C6: variants seen among roughly 807,000 people sequenced by gnomAD.
C6 encodes the protein complement C6, also known as complement component C6.
C6 carries 101 observed loss-of-function variants against 112.9 expected under a neutral mutation model. That is an observed-to-expected ratio of 0.89 (90% CI 0.76 to 1.06). The LOEUF (loss-of-function observed/expected upper bound fraction) is 1.06. Among genes scored for constraint, C6 ranks in the 50% least tolerant of loss-of-function variants. C6 has a pLI of 0.00. For missense variants in C6, 1,202 were observed against 1,104.6 expected (o/e 1.09, Z -1.25); for synonymous variants, 431 against 384.1 (o/e 1.12, Z -1.43).
Position 41,176,441 on chromosome 5 carries a change from C to T in C6, c.1168+34G>A, listed in dbSNP as rs1263589208. On this transcript the variant is annotated intron_variant, in intron 8 of 17. Coordinates refer to ENST00000337836, the MANE Select transcript of C6 (RefSeq NM_000065.5). Reference sequence around the variant, plus strand: ...GAAAAATGTATTGCATGCTATCATACCAGTTAAAAAGAGTGAGGACTGAAG... The same window carrying T: ...GAAAAATGTATTGCATGCTATCATATCAGTTAAAAAGAGTGAGGACTGAAG... 3.7e-6 allele frequency: 6 copies of T among 1,606,490 alleles called. No individual in the cohort carries two copies. In the East Asian group the frequency reaches 1.1e-4, roughly 30 times the overall value.
chr5:41,173,661 T>C (rs1352040719), intron 8 of C6, among the ~76,000 whole-genome samples: 1 of 152,010 alleles, frequency 6.6e-6, no homozygotes, highest in African/African-American at 2.4e-5. Flanking sequence ...ATAGCAGGGA[T>C]GGGTGTTTTT....
intron 8 of C6, 38 bp downstream of exon 8, chr5:41,176,434 TATC>T: frequency 1.9e-6 from 3 of 1,600,794 alleles, no homozygotes; most frequent in Non-Finnish European, 2.6e-6. Flanking sequence ...TATTGCATGC[TATC>T]ATACCAGTTA....
chr5:41,243,806 G>A (rs1163618603), intron 1 of C6, among the ~76,000 whole-genome samples: 1 of 152,038 alleles, frequency 6.6e-6, no homozygotes, highest in Non-Finnish European at 1.5e-5. Flanking sequence ...ATGATGCTAA[G>A]TAGCACTCAA....
At chr5:41,250,173 G>C (rs988609691) in intron 1 of C6, among the ~76,000 whole-genome samples, 10 of 152,138 alleles carry the variant, frequency 6.6e-5, no homozygotes, top group Admixed American at 5.9e-4. Context: ...TAACAGACTA[G>C]ACTATATATT....
intron 1 of C6, among the ~76,000 whole-genome samples, chr5:41,248,313 A>G (rs1741143844): frequency 6.6e-6 from 1 of 152,232 alleles, no homozygotes; most frequent in Non-Finnish European, 1.5e-5. Flanking sequence ...AGAAACAAAA[A>G]TTGACAAGTG....
At position 41,195,779 on chromosome 5, in the gene C6, A is replaced by G; in HGVS notation, c.587+13T>C. Reference sequence around the variant, plus strand: ...ACCTGTTCTCCCCAAGATGATAAAAAGATGTTACATACCCATTGCCCATCA... The same window carrying G: ...ACCTGTTCTCCCCAAGATGATAAAAGGATGTTACATACCCATTGCCCATCA... On this transcript the variant is annotated intron_variant, in intron 5 of 17. Coordinates refer to ENST00000337836, the MANE Select transcript of C6 (RefSeq NM_000065.5). 6.2e-7 allele frequency: 1 copy of G among 1,612,996 alleles called. No homozygotes were observed. Among genetic ancestry groups the G allele is most frequent in the Non-Finnish European group, 8.5e-7 (1 of 1,179,704 alleles).
At chr5:41,177,065 G>A (rs943658731) in intron 7 of C6, among the ~76,000 whole-genome samples, 4 of 152,186 alleles carry the variant, frequency 2.6e-5, no homozygotes, top group Admixed American at 2.6e-4. Context: ...ATTTGCTAAT[G>A]TGAATAATTG....
At chr5:41,247,701 G>C (rs1397908644) in intron 1 of C6, among the ~76,000 whole-genome samples, 6 of 147,382 alleles carry the variant, frequency 4.1e-5, no homozygotes, top group Admixed American at 4.1e-4. Flanking sequence ...CTGGGTGACA[G>C]AGTGAGACTC....
intron 1 of C6, 51 bp from the exon 2 acceptor site, chr5:41,203,301 C>T (rs1344115801): frequency 2.2e-5 from 35 of 1,561,828 alleles, no homozygotes; most frequent in Non-Finnish European, 3.0e-5. Context: ...TGAGGTAAAC[C>T]TTCACAAGTC....
intron 7 of C6, among the ~76,000 whole-genome samples, chr5:41,178,010 C>G (rs1265468931): frequency 6.6e-6 from 1 of 152,118 alleles, no homozygotes; most frequent in African/African-American, 2.4e-5. Context: ...TTCAATATTT[C>G]CAGGTTTCTT....
At chr5:41,223,260 GA>G (rs1028547372) in intron 1 of C6, among the ~76,000 whole-genome samples, 2 of 151,826 alleles carry the variant, frequency 1.3e-5, no homozygotes, top group African/African-American at 2.4e-5. Context: ...GATAATTAGA[GA>G]AAAAAAACTG....
chr5:41,160,130 C>T lies in C6; in HGVS notation c.1684+12G>A. ...AAACTTATCTACCTCACAATAGATT[C>T]CTGATACTTACTGGATTTATAATCT... is the stretch of plus-strand genomic sequence containing the variant. On this transcript the variant is annotated intron_variant, in intron 11 of 17. Coordinates refer to ENST00000337836, the MANE Select transcript of C6 (RefSeq NM_000065.5). 2 of 1,595,866 alleles carry T rather than the reference C, an allele frequency of 1.3e-6. No homozygotes were observed. The highest frequency in any genetic ancestry group is 2.2e-5 in the South Asian group (2 of 90,736).
intron 1 of C6, among the ~76,000 whole-genome samples, chr5:41,252,321 G>A (rs1741413420): frequency 6.6e-6 from 1 of 152,080 alleles, no homozygotes; most frequent in African/African-American, 2.4e-5. Flanking sequence ...CCCCTCCTTG[G>A]CCAAGAGGAT....
In C6 at chr5:41,153,997, C is replaced by T. The variant is rs1160484842; in HGVS notation, c.2103G>A (p.Arg701=). 6.2e-7 allele frequency: 1 copy of T among 1,613,392 alleles called. No homozygotes were observed. The highest frequency in any genetic ancestry group is 1.7e-5 in the Admixed American group (1 of 59,972). The part of the protein sequence containing the change: ...TWRQGDVECQ[R]TECIKPVVQE... Reference sequence around the variant, plus strand: ...GCACAACTGGCTTGATGCACTCCGTCCCTGCAAGAGAGCAACATTTCATAT... The same window carrying T: ...GCACAACTGGCTTGATGCACTCCGTTCCTGCAAGAGAGCAACATTTCATAT... The change falls in exon 15 of 18, where the codon CGG becomes CGA. Residue 701 remains arginine (R), a splice_region_variant and synonymous_variant. Transcript: ENST00000337836.
rs759464116 is a variant in C6 at position 41,201,576 on chromosome 5, G to T, written c.282C>A (p.Asp94Glu). The T allele has an allele frequency of 9.9e-6, 16 of 1,613,646 alleles. No homozygotes were observed. The highest frequency in any genetic ancestry group is 1.7e-5 in the Admixed American group (1 of 59,928). ...LGDFGPWSDC[D>E]PCIEKQSKVR... ...TGCCTACCTGTTTTTCAATACAAGG[G>T]TCACAGTCTGACCATGGTCCAAAAT... Residue 94 changes from aspartate (D) to glutamate (E), a missense_variant, in exon 3 of 18, where the codon GAC becomes GAA. Coordinates refer to ENST00000337836, the MANE Select transcript of C6 (RefSeq NM_000065.5).
intron 6 of C6, among the ~76,000 whole-genome samples, chr5:41,183,947 A>G (rs1336244296): frequency 4.8e-5 from 7 of 147,266 alleles, no homozygotes; most frequent in Admixed American, 2.0e-4. Context: ...ATGGACATAA[A>G]GATGGCAACA....
chr5:41,167,675 C>A (rs140404117), intron 9 of C6, among the ~76,000 whole-genome samples: 1 of 152,156 alleles, frequency 6.6e-6, no homozygotes, highest in East Asian at 1.9e-4. Context: ...CATAACATAG[C>A]TGAATAGGAT....
intron 8 of C6, 186 bp from the exon 9 acceptor site, chr5:41,172,533 A>T (rs1748515753): frequency 1.5e-6 from 1 of 646,350 alleles, no homozygotes; most frequent in East Asian, 2.8e-5. Context: ...GCATGGGCCC[A>T]GAGATGATCC....
rs901620777 is a variant in C6, at chr5:41,142,704, T to C, written c.*121A>G. The C allele has an allele frequency of 8.7e-6, 7 of 802,184 alleles. No individual in the cohort carries two copies. Among genetic ancestry groups the C allele is most frequent in the Non-Finnish European group, 1.5e-5 (7 of 458,778 alleles). The allele number at this position is 802,184 out of a possible 1,614,324, so 49.7% of individuals were successfully genotyped here. A position where few individuals can be genotyped will look rare whatever the true frequency, so the allele number is the denominator to read the frequency against. On this transcript the variant is annotated 3_prime_UTR_variant, in exon 18 of 18. Coordinates refer to ENST00000337836, the MANE Select transcript of C6 (RefSeq NM_000065.5). ...ATAATGATCTCAAACTAACAGAAAA[T>C]AATTTTTGTCAGTAACTTTGAGCAT...
Sources: allele counts gnomAD v4.1 joint callset (sites outside exome capture counted in the v4.1 genomes callset), GRCh38; gene constraint gnomAD v4.1.1; transcripts MANE v1.5; gene names NCBI Gene and HGNC (gene_info 2026-07-23, HGNC 2026-07-21).